The following NUDCD1 variants were observed in gnomAD, a reference collection of about 807,000 sequenced individuals.
NUDCD1 encodes NudC domain containing 1.
Under a neutral mutation model 67.8 loss-of-function variants are expected in NUDCD1, and 60 were observed. The observed-to-expected ratio is 0.88, with a 90% CI of 0.72 to 1.10. NUDCD1 has a LOEUF of 1.10. Among genes scored for constraint, NUDCD1 ranks in the 50% least tolerant of loss-of-function variants. NUDCD1 has a pLI of 0.00. For missense variants in NUDCD1, 643 were observed against 695.0 expected (o/e 0.93, Z 0.84); for synonymous variants, 244 against 230.8 (o/e 1.06, Z -0.52).
At chr8:109,284,864 T>C (rs562530752) in intron 5 of NUDCD1, among the ~76,000 whole-genome samples, 1 of 149,070 alleles carries the variant, frequency 6.7e-6, no homozygotes, top group Non-Finnish European at 1.5e-5. Flanking sequence ...AAACAATGAA[T>C]CCATGAAACC....
chr8:109,280,996 T>C lies in NUDCD1; in HGVS notation c.1000A>G (p.Ser334Gly). The C allele has an allele frequency of 6.3e-7, 1 of 1,599,676 alleles. No individual in the cohort carries two copies. Among genetic ancestry groups the C allele is most frequent in the Non-Finnish European group, 8.6e-7 (1 of 1,167,522 alleles). The change falls in exon 6 of 10, where the codon AGT becomes GGT. Residue 334 changes from serine to glycine, a missense_variant. Physicochemically the swap from Ser to Gly is moderately conservative, Grantham distance 56 (BLOSUM62 0). Transcript: ENST00000239690. ...TTACTCTCTTTAATTATCCATGTAC[T>C]GCTTTCATGATCAATAGATGAATAG... ...KLYSSIDHES[S>G]TWIIKESNSL...
At chr8:109,306,638 C>A (rs532767922) in intron 2 of NUDCD1, among the ~76,000 whole-genome samples, 1 of 151,810 alleles carries the variant, frequency 6.6e-6, no homozygotes, top group African/African-American at 2.4e-5. Context: ...TGAACCCCCC[C>A]CACCCCCGGA....
At chr8:109,278,427 A>G (rs1398715287) in intron 6 of NUDCD1, among the ~76,000 whole-genome samples, 1 of 152,136 alleles carries the variant, frequency 6.6e-6, no homozygotes, top group African/African-American at 2.4e-5. Context: ...ATTGAGGTGT[A>G]ATTTATAAAT....
In NUDCD1 at chr8:109,264,587, GAA is replaced by G. The variant is rs1813950108; in HGVS notation, c.1299+6416_1299+6417del. Reference sequence around the variant, plus strand: ...AACTGATTTTAAAGTAACAGAGCATGAAAAGTTTACATTGCAACTAATATTTA... The same window carrying G: ...AACTGATTTTAAAGTAACAGAGCATGAAGTTTACATTGCAACTAATATTTA... On this transcript the variant is annotated intron_variant, in intron 8 of 9. Transcript: ENST00000239690. Among the ~76,000 whole-genome samples, 5 of 152,134 alleles carry G rather than the reference GAA, an allele frequency of 3.3e-5. No individual in the cohort carries two copies. In the South Asian group the frequency reaches 1.0e-3, roughly 31 times the overall value.
At chr8:109,310,088 A>T (rs1218137059) in intron 2 of NUDCD1, among the ~76,000 whole-genome samples, 1 of 152,192 alleles carries the variant, frequency 6.6e-6, no homozygotes, top group Admixed American at 6.5e-5. Context: ...TACCCATCAA[A>T]ATACCACCAC....
At chr8:109,269,351 T>C (rs186715794) in intron 8 of NUDCD1, among the ~76,000 whole-genome samples, 13 of 151,910 alleles carry the variant, frequency 8.6e-5, no homozygotes, top group Admixed American at 7.9e-4. Flanking sequence ...TTCCACCTCA[T>C]TTATCTACAC....
intron 8 of NUDCD1, among the ~76,000 whole-genome samples, chr8:109,263,060 A>AAAAAAAAC (rs1813905310): frequency 6.8e-6 from 1 of 147,566 alleles, no homozygotes; most frequent in Non-Finnish European, 1.5e-5. Context: ...GTCTCAAAAA[A>AAAAAAAAC]AAAAAAAAAA....
At chr8:109,278,267 A>C (rs1267256777) in intron 6 of NUDCD1, among the ~76,000 whole-genome samples, 1 of 152,244 alleles carries the variant, frequency 6.6e-6, no homozygotes, top group Non-Finnish European at 1.5e-5. Flanking sequence ...AAAATAAAAG[A>C]AAGTAATTTT....
intron 8 of NUDCD1, among the ~76,000 whole-genome samples, chr8:109,253,791 G>A (rs931766999): frequency 2.6e-5 from 4 of 152,092 alleles, no homozygotes; most frequent in African/African-American, 7.2e-5. Flanking sequence ...TAAAAAGCAC[G>A]ATTAAAGTAT....
intron 3 of NUDCD1, among the ~76,000 whole-genome samples, chr8:109,294,208 C>A (rs1200430151): frequency 6.6e-6 from 1 of 151,648 alleles, no homozygotes; most frequent in Non-Finnish European, 1.5e-5. Context: ...AAAAGCCTAA[C>A]TGAAAAAAAG....
At chr8:109,309,042 T>C (rs11775751) in intron 2 of NUDCD1, among the ~76,000 whole-genome samples, 30,074 of 150,678 alleles carry the variant, frequency 0.2, 3,915 homozygotes, top group Admixed American at 0.3. Context: ...CAAAGAAGAA[T>C]TGGTACCAAT....
rs571412627 is a variant in NUDCD1 at position 109,305,537 on chromosome 8, T to C, written c.274-8968A>G. On this transcript the variant is annotated intron_variant, in intron 2 of 9. Coordinates refer to ENST00000239690, the MANE Select transcript of NUDCD1 (RefSeq NM_032869.4). ...AAGGACTGGACAGTACTTTTACCTC[T>C]TGCCCTTCTCAAAATTAGAGCCTGT... 6.6e-4 allele frequency among the ~76,000 whole-genome samples: 100 copies of C among 152,294 alleles called. 1 individual carries two copies. In the South Asian group the frequency reaches 0.021, roughly 31 times the overall value.
intron 2 of NUDCD1, among the ~76,000 whole-genome samples, chr8:109,312,197 G>A (rs1329143767): frequency 2.0e-5 from 3 of 150,808 alleles, no homozygotes; most frequent in African/African-American, 7.3e-5. Context: ...AGCTACTCAG[G>A]AGGCTGAGGC....
chr8:109,291,261 T>C (rs1453686884), intron 4 of NUDCD1, among the ~76,000 whole-genome samples: 1 of 152,136 alleles, frequency 6.6e-6, no homozygotes, highest in African/African-American at 2.4e-5. Context: ...GCTCAAGCAA[T>C]CCTCCTGAAT....
chr8:109,247,706 C>T (rs1262301846), intron 8 of NUDCD1, among the ~76,000 whole-genome samples: 1 of 152,166 alleles, frequency 6.6e-6, no homozygotes, highest in Non-Finnish European at 1.5e-5. Flanking sequence ...TAGATTCCCA[C>T]TTATCCTCTA....
intron 2 of NUDCD1, among the ~76,000 whole-genome samples, chr8:109,300,734 C>T (rs4489305): frequency 6.6e-6 from 1 of 152,098 alleles, no homozygotes; most frequent in Non-Finnish European, 1.5e-5. Context: ...CATCCAAATA[C>T]AAGAAGCACA....
At chr8:109,309,886 C>A (rs552994900) in intron 2 of NUDCD1, among the ~76,000 whole-genome samples, 2 of 149,846 alleles carry the variant, frequency 1.3e-5, no homozygotes, top group Non-Finnish European at 3.0e-5. Context: ...ACAAAACAAA[C>A]AAACAAAAAA....
intron 8 of NUDCD1, among the ~76,000 whole-genome samples, chr8:109,268,681 T>C (rs748856363): frequency 1.3e-5 from 2 of 152,150 alleles, no homozygotes; most frequent in African/African-American, 4.8e-5. Flanking sequence ...CTAAGAGTTA[T>C]AGCACCTAAA....
rs572613109 is a variant in NUDCD1 at position 109,319,269 on chromosome 8, G to A, written c.273+3040C>T. ...ATTACAGGCGTGAGCCACCGCGCTC[G>A]GCCCATTTTATGTTTTTGTAAATAA... On this transcript the variant is annotated intron_variant, in intron 2 of 9. Coordinates refer to ENST00000239690, the MANE Select transcript of NUDCD1 (RefSeq NM_032869.4). Among the ~76,000 whole-genome samples, 27 of 152,158 alleles carry A rather than the reference G, an allele frequency of 1.8e-4. No homozygotes were observed. In the East Asian group the frequency reaches 3.1e-3, roughly 17 times the overall value.
Sources: allele counts gnomAD v4.1 joint callset (sites outside exome capture counted in the v4.1 genomes callset), GRCh38; gene constraint gnomAD v4.1.1; transcripts MANE v1.5; gene names NCBI Gene and HGNC (gene_info 2026-07-23, HGNC 2026-07-21).